Variants in VSTM2L observed in about 807,000 individuals in gnomAD.
VSTM2L encodes the protein V-set and transmembrane domain-containing protein 2-like protein.
VSTM2L carries 9 observed loss-of-function variants against 19.9 expected under a neutral mutation model. That is an observed-to-expected ratio of 0.45 (90% CI 0.27 to 0.79). The LOEUF (loss-of-function observed/expected upper bound fraction) is 0.79, where lower values mean the gene tolerates loss of function less well. VSTM2L is among the 30% of genes least tolerant of loss of function. The pLI, the probability that VSTM2L is intolerant of heterozygous loss-of-function variation, is 0.15. For missense variants in VSTM2L, 286 were observed against 295.5 expected (o/e 0.97, Z 0.24); for synonymous variants, 127 against 133.8 (o/e 0.95, Z 0.35).
chr20:37,941,739 G>C (rs950038075), intron 3 of VSTM2L, among the ~76,000 whole-genome samples: 2 of 152,092 alleles, frequency 1.3e-5, no homozygotes, highest in East Asian at 3.9e-4. Flanking sequence ...GTCTGGGAAG[G>C]GGGTCAGTGG....
At chr20:37,905,187 C>A (rs768407494) in intron 1 of VSTM2L, among the ~76,000 whole-genome samples, 1 of 152,136 alleles carries the variant, frequency 6.6e-6, no homozygotes, top group Admixed American at 6.5e-5. Context: ...CACCCCTCCT[C>A]TCCTCGCTCC....
chr20:37,940,238 G>A (rs1316740070), intron 3 of VSTM2L, among the ~76,000 whole-genome samples: 3 of 152,386 alleles, frequency 2.0e-5, no homozygotes, highest in South Asian at 4.1e-4. Context: ...GGACCACAGG[G>A]TGGAGGTGAT....
At chr20:37,908,376 C>G (rs1328073434) in intron 1 of VSTM2L, among the ~76,000 whole-genome samples, 1 of 152,134 alleles carries the variant, frequency 6.6e-6, no homozygotes, top group African/African-American at 2.4e-5. Context: ...TGGAATGAAT[C>G]ATGGAGGCCC....
chr20:37,909,038 T>C (rs1568833473), intron 1 of VSTM2L, among the ~76,000 whole-genome samples: 1 of 152,126 alleles, frequency 6.6e-6, no homozygotes. Context: ...GGACTTGAAC[T>C]GAAGAATCTG....
intron 1 of VSTM2L, among the ~76,000 whole-genome samples, chr20:37,915,326 C>T (rs894140229): frequency 6.6e-6 from 1 of 152,162 alleles, no homozygotes; most frequent in Admixed American, 6.5e-5. Flanking sequence ...CTGTGAAATT[C>T]CCTCCCAGGC....
chr20:37,926,793 C>T (rs372875162), intron 1 of VSTM2L, among the ~76,000 whole-genome samples: 5 of 152,132 alleles, frequency 3.3e-5, no homozygotes, highest in Non-Finnish European at 5.9e-5. Context: ...CTGAGCCATG[C>T]GGACATGTGA....
In VSTM2L at chr20:37,945,322, C is replaced by T; in HGVS notation, c.*1069C>T. On this transcript the variant is annotated 3_prime_UTR_variant, in exon 4 of 4. Transcript: ENST00000373461. The stretch of plus-strand genomic sequence containing the variant: ...ACATGATCCAGTCTGTGACTACCAG[C>T]CAACCTGAATAAAGCGGTTTTAAAA... 2.1e-6 allele frequency: 2 copies of T among 968,536 alleles called. No individual in the cohort carries two copies. Among genetic ancestry groups the T allele is most frequent in the Non-Finnish European group, 2.5e-6 (2 of 814,652 alleles). 60.0% of individuals were successfully genotyped at this position (968,536 alleles called of 1,614,324 possible).
At chr20:37,917,678 C>T (rs2072827290) in intron 1 of VSTM2L, among the ~76,000 whole-genome samples, 2 of 152,220 alleles carry the variant, frequency 1.3e-5, no homozygotes, top group South Asian at 2.1e-4. Flanking sequence ...CTCCCCCTCG[C>T]CCTAGTGCCC....
At chr20:37,934,977 G>A (rs2072931335) in intron 3 of VSTM2L, among the ~76,000 whole-genome samples, 1 of 152,082 alleles carries the variant, frequency 6.6e-6, no homozygotes, top group African/African-American at 2.4e-5. Flanking sequence ...CCCCGTTTCT[G>A]GCCCAAATAC....
At chr20:37,907,494 G>A (rs1353310841) in intron 1 of VSTM2L, among the ~76,000 whole-genome samples, 1 of 152,160 alleles carries the variant, frequency 6.6e-6, no homozygotes, top group Non-Finnish European at 1.5e-5. Flanking sequence ...CATACCTGGT[G>A]GGAGATGTAG....
At chr20:37,938,503 G>A (rs1035101382) in intron 3 of VSTM2L, among the ~76,000 whole-genome samples, 2 of 152,310 alleles carry the variant, frequency 1.3e-5, no homozygotes, top group African/African-American at 4.8e-5. Context: ...TTGGCATCAC[G>A]AGTACAAATC....
chr20:37,906,020 C>T (rs985317078), intron 1 of VSTM2L, among the ~76,000 whole-genome samples: 3 of 145,122 alleles, frequency 2.1e-5, no homozygotes, highest in African/African-American at 7.8e-5. Context: ...GGAAATGTGG[C>T]CCAGTCGGGA....
rs1254266168 is a variant in VSTM2L at position 37,945,111 on chromosome 20, C to T, written c.*858C>T. On this transcript the variant is annotated 3_prime_UTR_variant, in exon 4 of 4. Coordinates refer to ENST00000373461, the MANE Select transcript of VSTM2L (RefSeq NM_080607.3). ...TGGGGCTGTTGGGAGCCAAGGGCCC[C>T]CTGGTACTCAGTTCCCTCACGATTC... 9.1e-6 allele frequency: 9 copies of T among 985,694 alleles called. No individual in the cohort carries two copies. The highest frequency in any genetic ancestry group is 1.1e-5 in the Non-Finnish European group (9 of 829,948). The allele number at this position is 985,694 out of a possible 1,614,324, so 61.1% of individuals were successfully genotyped here. A position where few individuals can be genotyped will look rare whatever the true frequency, so the allele number is the denominator to read the frequency against.
Position 37,906,033 on chromosome 20 carries a change from G to T in VSTM2L, c.121+2562G>T, listed in dbSNP as rs1036464812. On this transcript the variant is annotated intron_variant, in intron 1 of 3. Transcript: ENST00000373461. ...CAGGAAATGTGGCCCAGTCGGGAAGGTGTCTCTGTGTCTGGGGGTGGGGGG... is the reference window on the plus strand; with the variant it reads ...CAGGAAATGTGGCCCAGTCGGGAAGTTGTCTCTGTGTCTGGGGGTGGGGGG... 2.9e-5 allele frequency among the ~76,000 whole-genome samples: 4 copies of T among 137,488 alleles called. No homozygotes were observed. The Admixed American group carries it at 3.0e-4, about 10-fold the overall frequency. The allele number at this position is 137,488 out of a possible 152,430, so 90.2% of individuals were successfully genotyped here. A position where few individuals can be genotyped will look rare whatever the true frequency, so the allele number is the denominator to read the frequency against.
In VSTM2L at chr20:37,903,189, G is replaced by C. The variant is rs927195968; in HGVS notation, c.-162G>C. 2.9e-4 allele frequency: 283 copies of C among 973,874 alleles called. No individual in the cohort carries two copies. Among genetic ancestry groups the C allele is most frequent in the Non-Finnish European group, 3.4e-4 (261 of 764,232 alleles). The allele number at this position is 973,874 out of a possible 1,614,324, so 60.3% of individuals were successfully genotyped here. On this transcript the variant is annotated 5_prime_UTR_variant, in exon 1 of 4. Transcript: ENST00000373461. ...CCGAAGCCGGGGCTGGGCCGGAGCC[G>C]GGCGAGGGCTGGGAGCTGGGCCGGG...
rs182325774 is a variant in VSTM2L at position 37,933,396 on chromosome 20, T to C, written c.292-143T>C. 4.3e-4 allele frequency: 282 copies of C among 663,248 alleles called. 2 individuals carry two copies. The African/African-American group carries it at 4.7e-3, about 11-fold the overall frequency. 41.1% of individuals were successfully genotyped at this position (663,248 alleles called of 1,614,324 possible). A position where few individuals can be genotyped will look rare whatever the true frequency, so the allele number is the denominator to read the frequency against. ...AAAGGGACCCCAACTCCAGACTCCA[T>C]GGCCCCCGAGCCTCATCTGCTGTCG... On this transcript the variant is annotated intron_variant, in intron 2 of 3. Transcript: ENST00000373461.
chr20:37,910,959 T>C (rs897449338), intron 1 of VSTM2L, among the ~76,000 whole-genome samples: 2 of 147,818 alleles, frequency 1.4e-5, no homozygotes, highest in Non-Finnish European at 3.0e-5. Context: ...AAGAAGAATA[T>C]ATACGTATTG....
intron 1 of VSTM2L, among the ~76,000 whole-genome samples, chr20:37,904,934 T>C (rs75960439): frequency 0.021 from 3,190 of 152,192 alleles, 107 homozygotes; most frequent in African/African-American, 0.074. Flanking sequence ...CCTCACCTCA[T>C]TTCTACCGAC....
At chr20:37,932,491 C>T (rs1052234945) in intron 2 of VSTM2L, among the ~76,000 whole-genome samples, 1 of 151,982 alleles carries the variant, frequency 6.6e-6, no homozygotes, top group African/African-American at 2.4e-5. Flanking sequence ...CAGGAGCAGC[C>T]CCCACCAATG....
Sources: gnomAD v4.1 joint callset for allele counts (sites outside exome capture counted in the v4.1 genomes callset) on GRCh38, gnomAD v4.1.1 for gene constraint, MANE v1.5 for transcripts, NCBI Gene and HGNC (gene_info 2026-07-23, HGNC 2026-07-21) for gene names.